The following GPC5 variants were observed in gnomAD, a reference collection of about 807,000 sequenced individuals.
GPC5 encodes glypican-5.
GPC5 carries 47 observed loss-of-function variants against 53.9 expected under a neutral mutation model. The observed-to-expected ratio is 0.87, with a 90% CI of 0.69 to 1.11. The LOEUF (loss-of-function observed/expected upper bound fraction) is 1.11. GPC5 is among the 50% of genes most tolerant of loss of function. The pLI is 0.00. For missense variants in GPC5, 748 were observed against 713.1 expected, an observed-to-expected ratio of 1.05 and a Z score of -0.56; for synonymous variants, 286 against 263.3, an observed-to-expected ratio of 1.09 and a Z score of -0.84.
At chr13:92,839,513 C>G (rs775092128) in intron 7 of GPC5, among the ~76,000 whole-genome samples, 8 of 151,698 alleles carry the variant, frequency 5.3e-5, no homozygotes, top group Non-Finnish European at 1.2e-4. Context: ...TTCATGTGTT[C>G]TCATCATTTA....
intron 7 of GPC5, among the ~76,000 whole-genome samples, chr13:92,191,098 A>G (rs1415559150): frequency 6.6e-6 from 1 of 152,170 alleles, no homozygotes; most frequent in East Asian, 1.9e-4. Context: ...AGCTTCAGAC[A>G]GGAAAGTTAC....
chr13:92,655,012 A>G (rs1886081004), intron 7 of GPC5, among the ~76,000 whole-genome samples: 1 of 152,184 alleles, frequency 6.6e-6, no homozygotes, highest in South Asian at 2.1e-4. Context: ...GCCACTGGCA[A>G]GAGTACCAAA....
At position 91,482,678 on chromosome 13, in the gene GPC5, G is replaced by A. The variant is rs192959025; in HGVS notation, c.325+33756G>A. 2.0e-3 allele frequency among the ~76,000 whole-genome samples: 298 copies of A among 152,262 alleles called. 2 individuals carry two copies. Among genetic ancestry groups the A allele is most frequent in the African/African-American group, 6.9e-3 (285 of 41,552 alleles). On this transcript the variant is annotated intron_variant, in intron 2 of 7. Transcript: ENST00000377067. ...CCACAGGAATGTCATCGCCGTGGGA[G>A]GCTTCTTGTTTCCCAGGGATTAATG...
chr13:92,019,980 A>G (rs951743390), intron 6 of GPC5, among the ~76,000 whole-genome samples: 3 of 152,056 alleles, frequency 2.0e-5, no homozygotes, highest in Admixed American at 6.6e-5. Context: ...AGCTAAAATC[A>G]AGTTATTGGT....
At chr13:92,629,450 G>A (rs1394304458) in intron 7 of GPC5, among the ~76,000 whole-genome samples, 1 of 151,974 alleles carries the variant, frequency 6.6e-6, no homozygotes, top group Non-Finnish European at 1.5e-5. Context: ...CTGTTGCCGC[G>A]GTTCCTTATT....
At chr13:91,695,916 A>C (rs1461074762) in intron 3 of GPC5, among the ~76,000 whole-genome samples, 2 of 152,126 alleles carry the variant, frequency 1.3e-5, no homozygotes, top group East Asian at 3.9e-4. Flanking sequence ...TGTGTTTCCT[A>C]TTTCAAAGAC....
At chr13:92,414,522 A>T (rs1802109766) in intron 7 of GPC5, among the ~76,000 whole-genome samples, 1 of 149,558 alleles carries the variant, frequency 6.7e-6, no homozygotes, top group Admixed American at 6.7e-5. Flanking sequence ...AAAAAAAAAA[A>T]TCAAACTTTT....
At chr13:92,610,022 C>T (rs1197411137) in intron 7 of GPC5, among the ~76,000 whole-genome samples, 1 of 111,892 alleles carries the variant, frequency 8.9e-6, no homozygotes, top group Non-Finnish European at 1.7e-5. Context: ...CAGAGCGAGA[C>T]TCCATCTCAA....
intron 6 of GPC5, among the ~76,000 whole-genome samples, chr13:92,021,282 G>A (rs902960787): frequency 6.6e-6 from 1 of 152,082 alleles, no homozygotes; most frequent in Non-Finnish European, 1.5e-5. Flanking sequence ...ACATGAAATG[G>A]GATACTATTC....
chr13:92,822,910 C>T (rs1244638013), intron 7 of GPC5, among the ~76,000 whole-genome samples: 2 of 151,440 alleles, frequency 1.3e-5, no homozygotes, highest in African/African-American at 2.4e-5. Context: ...TAATTGTTTT[C>T]ATTAAAAAGC....
rs146118419 is a variant in GPC5 at position 91,449,512 on chromosome 13, C to G, written c.325+590C>G. 1.4e-4 allele frequency among the ~76,000 whole-genome samples: 22 copies of G among 152,260 alleles called. No homozygotes were observed. The East Asian group carries it at 3.7e-3, about 25-fold the overall frequency. ...TATTTGTCCTAATGCTCTCCCTCCC[C>G]TTGCGTCCCGACCCCGCAACAGGCC... On this transcript the variant is annotated intron_variant, in intron 2 of 7. Transcript: ENST00000377067.
rs1381305542 is a variant in GPC5 at position 92,613,451 on chromosome 13, T to C, written c.1562-252831T>C. 1.9e-4 allele frequency among the ~76,000 whole-genome samples: 20 copies of C among 105,714 alleles called. No homozygotes were observed. The East Asian group carries it at 4.7e-3, about 25-fold the overall frequency. The allele number at this position is 105,714 out of a possible 152,430, so 69.4% of individuals were successfully genotyped here. A position where few individuals can be genotyped will look rare whatever the true frequency, so the allele number is the denominator to read the frequency against. ...ATATTTATATATAAATATATATATT[T>C]ATATATAAATATGTATTATATAATT... On this transcript the variant is annotated intron_variant, in intron 7 of 7. Coordinates refer to ENST00000377067, the MANE Select transcript of GPC5 (RefSeq NM_004466.6).
At chr13:91,410,566 T>C (rs933434169) in intron 1 of GPC5, among the ~76,000 whole-genome samples, 10 of 151,632 alleles carry the variant, frequency 6.6e-5, no homozygotes, top group African/African-American at 1.7e-4. Flanking sequence ...CAGGATGGTC[T>C]CGATCTCCTG....
intron 6 of GPC5, among the ~76,000 whole-genome samples, chr13:92,083,583 G>C (rs2041313393): frequency 1.3e-5 from 2 of 152,012 alleles, no homozygotes. Flanking sequence ...TTTAAAAAAA[G>C]ATCCGTACAT....
Position 92,151,158 on chromosome 13 carries a change from T to C in GPC5, c.1561+6169T>C, listed in dbSNP as rs537798585. The stretch of plus-strand genomic sequence containing the variant: ...CCTCTAACTGTGTGGAAGTAGTCAT[T>C]TTCTTATTATTGAACAGAAAATTGA... On this transcript the variant is annotated intron_variant, in intron 7 of 7. Transcript: ENST00000377067. Among the ~76,000 whole-genome samples the C allele has an allele frequency of 3.9e-4, 60 of 152,202 alleles. 1 individual carries two copies. The highest frequency in any genetic ancestry group is 1.3e-3 in the African/African-American group (56 of 41,564).
At chr13:91,494,980 G>C (rs1444482491) in intron 2 of GPC5, among the ~76,000 whole-genome samples, 1 of 152,142 alleles carries the variant, frequency 6.6e-6, no homozygotes. Flanking sequence ...CTGAACTGCT[G>C]ACTAATATAT....
At chr13:92,745,438 A>G (rs1025546840) in intron 7 of GPC5, among the ~76,000 whole-genome samples, 2 of 152,080 alleles carry the variant, frequency 1.3e-5, no homozygotes, top group African/African-American at 4.8e-5. Context: ...GTCCCTTGGT[A>G]AAGCTTAGTT....
At chr13:91,749,915 A>T (rs145876430) in intron 4 of GPC5, among the ~76,000 whole-genome samples, 28 of 152,248 alleles carry the variant, frequency 1.8e-4, no homozygotes, top group African/African-American at 6.5e-4. Context: ...GGTTCAAGCA[A>T]TTCTCCTCCT....
At chr13:91,730,401 G>T (rs1027986898) in intron 4 of GPC5, among the ~76,000 whole-genome samples, 3 of 152,062 alleles carry the variant, frequency 2.0e-5, no homozygotes, top group Non-Finnish European at 2.9e-5. Context: ...TTTCTCTACC[G>T]CTTGAGCCTG....
Sources: gnomAD v4.1 joint callset for allele counts (sites outside exome capture counted in the v4.1 genomes callset) on GRCh38, gnomAD v4.1.1 for gene constraint, MANE v1.5 for transcripts, NCBI Gene and HGNC (gene_info 2026-07-23, HGNC 2026-07-21) for gene names.